Variants in ABCA10 observed in about 807,000 individuals in gnomAD.
The protein encoded by ABCA10 is ATP-binding cassette sub-family A member 10.
ABCA10 carries 169 observed loss-of-function variants against 187.5 expected under a neutral mutation model. The ratio of observed to expected loss-of-function variants is 0.90; its 90% CI spans 0.80 to 1.02. The LOEUF is 1.02. Among genes scored for constraint, ABCA10 ranks in the 50% least tolerant of loss-of-function variants. The probability of loss-of-function intolerance (pLI) is 0.00; values close to 1 mark genes in which losing one functional copy is unlikely to be tolerated. For synonymous variants in ABCA10, 574 were observed against 601.8 expected, an observed-to-expected ratio of 0.95 and a Z score of 0.68; for missense variants, 1,727 against 1,812.4, an observed-to-expected ratio of 0.95 and a Z score of 0.86.
chr17:69,180,546 T>C (rs1358977285), intron 22 of ABCA10, among the ~76,000 whole-genome samples: 2 of 151,994 alleles, frequency 1.3e-5, no homozygotes, highest in Admixed American at 6.6e-5. Context: ...AAGTAAACAA[T>C]TAAGGGTAAA....
At chr17:69,223,223 T>C (rs1230747597) in intron 3 of ABCA10, among the ~76,000 whole-genome samples, 1 of 152,172 alleles carries the variant, frequency 6.6e-6, no homozygotes, top group Non-Finnish European at 1.5e-5. Context: ...AAGTAAGCAA[T>C]ACAAATACTC....
chr17:69,174,434 AGGTCAT>A (rs1472738926), intron 24 of ABCA10, 40 bp from the exon 25 acceptor site: 5 of 1,512,470 alleles, frequency 3.3e-6, no homozygotes. Flanking sequence ...TAGAAATGGC[AGGTCAT>A]AGAGGGAAAG....
At chr17:69,171,482 C>A (rs1211448905) in intron 25 of ABCA10, among the ~76,000 whole-genome samples, 2 of 152,090 alleles carry the variant, frequency 1.3e-5, no homozygotes, top group Non-Finnish European at 1.5e-5. Context: ...GAAATGCTAA[C>A]AGATGTAGAG....
chr17:69,175,579 ACGT>A, intron 22 of ABCA10, 66 bp from the exon 23 acceptor site: 1 of 1,253,440 alleles, frequency 8.0e-7, no homozygotes, highest in South Asian at 1.5e-5. Context: ...ATTATAAGAT[ACGT>A]TTCCAGGAAA....
intron 27 of ABCA10, among the ~76,000 whole-genome samples, chr17:69,159,223 G>T (rs2074197008): frequency 6.6e-6 from 1 of 151,910 alleles, no homozygotes; most frequent in African/African-American, 2.4e-5. Flanking sequence ...AGTAAAATAT[G>T]ACTCAAATAC....
chr17:69,222,510 A>G (rs1012296090), intron 4 of ABCA10, 23 bp downstream of exon 4: 32 of 1,502,296 alleles, frequency 2.1e-5, no homozygotes, highest in Non-Finnish European at 2.7e-5. Flanking sequence ...AAAAAAAATT[A>G]TAATCAGTTT....
At chr17:69,241,000 C>A (rs1252242754) in intron 1 of ABCA10, among the ~76,000 whole-genome samples, 3 of 152,188 alleles carry the variant, frequency 2.0e-5, no homozygotes, top group East Asian at 3.9e-4. Flanking sequence ...ACACTGCTCC[C>A]AGTATTTATT....
intron 10 of ABCA10, among the ~76,000 whole-genome samples, chr17:69,200,600 T>C (rs1051169239): frequency 3.3e-5 from 5 of 152,220 alleles, no homozygotes; most frequent in African/African-American, 1.2e-4. Context: ...ATCAAACCAG[T>C]TTGAATATAC....
intron 1 of ABCA10, among the ~76,000 whole-genome samples, chr17:69,239,525 C>T (rs1482513671): frequency 2.0e-5 from 3 of 152,062 alleles, no homozygotes; most frequent in South Asian, 2.1e-4. Flanking sequence ...TAGGGACCTG[C>T]GATCACCCTA....
chr17:69,232,460 ATAACT>A (rs937632287), upstream of ABCA10, among the ~76,000 whole-genome samples: 8 of 152,278 alleles, frequency 5.3e-5, no homozygotes, highest in East Asian at 1.9e-4. Context: ...TTATTTTAAA[ATAACT>A]TAACTTTGAT....
At chr17:69,160,426 G>T (rs2074207247) in intron 27 of ABCA10, among the ~76,000 whole-genome samples, 1 of 152,098 alleles carries the variant, frequency 6.6e-6, no homozygotes, top group African/African-American at 2.4e-5. Context: ...GGCCAACATG[G>T]TGAAACCCCC....
intron 25 of ABCA10, among the ~76,000 whole-genome samples, chr17:69,166,534 C>A (rs1118165): frequency 6.6e-6 from 1 of 152,130 alleles, no homozygotes; most frequent in Non-Finnish European, 1.5e-5. Context: ...ACTTTGAAAT[C>A]TCACATTGAT....
At chr17:69,179,345 G>A (rs2074361376) in intron 22 of ABCA10, among the ~76,000 whole-genome samples, 4 of 152,182 alleles carry the variant, frequency 2.6e-5, no homozygotes. Flanking sequence ...CAAATATTCT[G>A]TGAGTTCATG....
In ABCA10 at chr17:69,153,304, C is replaced by A; in HGVS notation, c.4136+1G>T. On this transcript the variant is annotated splice_donor_variant, in intron 34 of 38. Transcript: ENST00000690296. LOFTEE classifies it high-confidence loss of function. ...TGACACTTAATATTCACTCTCCTTA[C>A]CACATTTGCTGCTGCCCCTCGGGGT... 3 of 1,608,078 alleles carry A rather than the reference C, an allele frequency of 1.9e-6. No homozygotes were observed. The highest frequency in any genetic ancestry group is 2.2e-5 in the South Asian group (2 of 90,118).
intron 3 of ABCA10, among the ~76,000 whole-genome samples, chr17:69,223,101 G>A (rs1333484570): frequency 1.3e-5 from 2 of 151,960 alleles, no homozygotes; most frequent in Non-Finnish European, 2.9e-5. Context: ...GAAGATGAAA[G>A]GAAAAGCTCT....
chr17:69,197,165 G>C, intron 10 of ABCA10, 43 bp from the exon 11 acceptor site: 1 of 1,428,166 alleles, frequency 7.0e-7, no homozygotes, highest in South Asian at 1.2e-5. Flanking sequence ...GCATTTTCTA[G>C]TATTAATAAC....
At position 69,169,765 on chromosome 17, in the gene ABCA10, T is replaced by C. The variant is rs145958325; in HGVS notation, c.3162+4516A>G. Reference sequence around the variant, plus strand: ...AGTGGATATATAAATATGATACGTATCAAAAAGGCATATAAACAGTGTTTC... The same window carrying C: ...AGTGGATATATAAATATGATACGTACCAAAAAGGCATATAAACAGTGTTTC... On this transcript the variant is annotated intron_variant, in intron 25 of 38. Transcript: ENST00000690296. Among the ~76,000 whole-genome samples the C allele has an allele frequency of 9.0e-3, 1,363 of 152,238 alleles. 9 individuals carry two copies. The highest frequency in any genetic ancestry group is 0.017 in the Middle Eastern group (5 of 294).
At chr17:69,164,019 C>A (rs2074237461) in intron 27 of ABCA10, 55 bp downstream of exon 27, 1 of 1,359,742 alleles carries the variant, frequency 7.4e-7, no homozygotes, top group Non-Finnish European at 9.9e-7. Context: ...AATAAGATTT[C>A]ACGGGGCTAT....
In ABCA10 at chr17:69,182,828, G is replaced by GAA; in HGVS notation, c.2498-21_2498-20insTT. The stretch of plus-strand genomic sequence containing the variant: ...TTGATCCTAACATAGTGGAAGGAAG[G>GAA]CAACAAGAAAAAAAAAAAAAAAGCA... On this transcript the variant is annotated intron_variant, in intron 20 of 38. Transcript: ENST00000690296. The GAA allele has an allele frequency of 6.9e-7, 1 of 1,446,198 alleles. No individual in the cohort carries two copies. Among genetic ancestry groups the GAA allele is most frequent in the Non-Finnish European group, 9.0e-7 (1 of 1,105,236 alleles). 89.6% of individuals were successfully genotyped at this position (1,446,198 alleles called of 1,614,324 possible).
Sources: allele counts gnomAD v4.1 joint callset (sites outside exome capture counted in the v4.1 genomes callset), GRCh38; gene constraint gnomAD v4.1.1; transcripts MANE v1.5; gene names NCBI Gene and HGNC (gene_info 2026-07-23, HGNC 2026-07-21).